Variants in ANKFN1 observed in about 807,000 individuals in gnomAD.
ANKFN1 encodes ankyrin repeat and fibronectin type-III domain-containing protein 1.
In ANKFN1, 74 loss-of-function variants were observed where a neutral mutation model predicts 108.7. The ratio of observed to expected loss-of-function variants is 0.68; its 90% CI spans 0.56 to 0.83. The LOEUF (loss-of-function observed/expected upper bound fraction) is 0.83, where lower values mean the gene tolerates loss of function less well. ANKFN1 is among the 40% of genes least tolerant of loss of function. The pLI, the probability that ANKFN1 is intolerant of heterozygous loss-of-function variation, is 0.00. For synonymous variants in ANKFN1, 547 were observed against 516.2 expected, an observed-to-expected ratio of 1.06 and a Z score of -0.81; for missense variants, 1,505 against 1,382.3, an observed-to-expected ratio of 1.09 and a Z score of -1.41.
intron 6 of ANKFN1, among the ~76,000 whole-genome samples, chr17:56,355,576 C>A (rs2046355405): frequency 6.6e-6 from 1 of 152,042 alleles, no homozygotes; most frequent in African/African-American, 2.4e-5. Flanking sequence ...GGCAGTGGAG[C>A]AATTTAGGAA....
At chr17:56,428,234 CAA>C (rs968135875) in intron 8 of ANKFN1, among the ~76,000 whole-genome samples, 4 of 129,128 alleles carry the variant, frequency 3.1e-5, no homozygotes, top group African/African-American at 2.9e-5. Context: ...AAATCCATCT[CAA>C]AAAAAAAAAA....
intron 3 of ANKFN1, among the ~76,000 whole-genome samples, chr17:56,269,343 G>A (rs1031305110): frequency 2.6e-5 from 4 of 152,116 alleles, no homozygotes; most frequent in South Asian, 2.1e-4. Flanking sequence ...CATTGTAATC[G>A]TCCATTTTAT....
At chr17:56,338,687 A>C (rs2045882050) in intron 4 of ANKFN1, among the ~76,000 whole-genome samples, 1 of 151,984 alleles carries the variant, frequency 6.6e-6, no homozygotes, top group Non-Finnish European at 1.5e-5. Context: ...TACCGTTGCT[A>C]TCCATTTCAA....
chr17:56,507,141 C>A (rs2051596688), intron 20 of ANKFN1, among the ~76,000 whole-genome samples: 1 of 152,128 alleles, frequency 6.6e-6, no homozygotes, highest in Non-Finnish European at 1.5e-5. Flanking sequence ...AATTTCAAAT[C>A]CTCAGTTATG....
At chr17:56,322,527 T>C (rs1211402213) in intron 3 of ANKFN1, among the ~76,000 whole-genome samples, 1 of 152,152 alleles carries the variant, frequency 6.6e-6, no homozygotes, top group Non-Finnish European at 1.5e-5. Flanking sequence ...CTCTCCCCAA[T>C]TTAGCTCCTG....
chr17:56,281,861 T>A (rs550077353), intron 3 of ANKFN1, among the ~76,000 whole-genome samples: 2 of 152,330 alleles, frequency 1.3e-5, no homozygotes, highest in Admixed American at 1.3e-4. Context: ...TGTAGACAAC[T>A]AGAATTCACA....
chr17:56,402,106 T>A (rs1235809264), intron 8 of ANKFN1, among the ~76,000 whole-genome samples: 1 of 152,176 alleles, frequency 6.6e-6, no homozygotes, highest in African/African-American at 2.4e-5. Flanking sequence ...AGTATTTTGT[T>A]AAGGATTTTA....
intron 8 of ANKFN1, among the ~76,000 whole-genome samples, chr17:56,387,827 T>C (rs1051184702): frequency 1.7e-4 from 26 of 152,236 alleles, no homozygotes; most frequent in Admixed American, 5.9e-4. Context: ...GTCTTTTCTC[T>C]ACCTGTTGTT....
chr17:56,349,340 C>T lies in ANKFN1; in HGVS notation c.189-1426C>T, dbSNP rs545418511. On this transcript the variant is annotated intron_variant, in intron 4 of 20. Coordinates refer to ENST00000682825, the MANE Select transcript of ANKFN1 (RefSeq NM_001370326.1). The stretch of plus-strand genomic sequence containing the variant: ...AGCAAACCACCATAGCACACATTTA[C>T]CTATGTAACAAACCTACACATCCTG... Among the ~76,000 whole-genome samples, 174 of 151,876 alleles carry T rather than the reference C, an allele frequency of 1.1e-3. 1 individual carries two copies. Among genetic ancestry groups the T allele is most frequent in the Admixed American group, 2.0e-3 (30 of 15,226 alleles).
intron 14 of ANKFN1, among the ~76,000 whole-genome samples, chr17:56,463,246 T>C (rs1195952761): frequency 6.6e-6 from 1 of 152,184 alleles, no homozygotes; most frequent in Non-Finnish European, 1.5e-5. Context: ...TAACAGATCA[T>C]AACACTAGGG....
At chr17:56,049,317 C>T (rs911761110) in intron 4 of ANKFN1, among the ~76,000 whole-genome samples, 1 of 152,218 alleles carries the variant, frequency 6.6e-6, no homozygotes, top group Admixed American at 6.5e-5. Context: ...TTTGCCCACC[C>T]TGACCTGCAC....
intron 4 of ANKFN1, among the ~76,000 whole-genome samples, chr17:56,348,265 A>G (rs2046157103): frequency 2.0e-5 from 3 of 152,232 alleles, no homozygotes; most frequent in African/African-American, 7.2e-5. Flanking sequence ...ACATACATAC[A>G]CATTACAGAC....
intron 3 of ANKFN1, among the ~76,000 whole-genome samples, chr17:56,248,230 AGCCTCT>A: frequency 6.6e-6 from 1 of 152,300 alleles, no homozygotes; most frequent in Admixed American, 6.5e-5. Context: ...ACTTGAACCC[AGCCTCT>A]GCCCTTAGAG....
intron 4 of ANKFN1, among the ~76,000 whole-genome samples, chr17:56,340,065 G>A (rs1459544702): frequency 6.6e-6 from 1 of 152,062 alleles, no homozygotes; most frequent in Non-Finnish European, 1.5e-5. Flanking sequence ...GTAATGATGA[G>A]CTTTTTTCAT....
chr17:56,385,450 A>G (rs1237673906), intron 8 of ANKFN1, among the ~76,000 whole-genome samples: 2 of 152,280 alleles, frequency 1.3e-5, no homozygotes, highest in East Asian at 3.9e-4. Flanking sequence ...CAATGGCAAC[A>G]AAAGTCAAAA....
intron 6 of ANKFN1, among the ~76,000 whole-genome samples, chr17:56,354,735 T>C (rs1252321462): frequency 2.6e-5 from 4 of 152,198 alleles, no homozygotes; most frequent in Non-Finnish European, 5.9e-5. Flanking sequence ...GCTTCTATGA[T>C]ATCAACTTTT....
chr17:56,401,368 ATTGTG>A (rs71139906), intron 8 of ANKFN1, among the ~76,000 whole-genome samples: 11,181 of 135,182 alleles, frequency 0.083, 658 homozygotes, highest in African/African-American at 0.16. Context: ...ATTGTATTGT[ATTGTG>A]TTGTGTTGTG....
At chr17:56,219,778 G>A (rs1915709220) in intron 2 of ANKFN1, among the ~76,000 whole-genome samples, 1 of 152,100 alleles carries the variant, frequency 6.6e-6, no homozygotes, top group Non-Finnish European at 1.5e-5. Flanking sequence ...TGTTTTTTAA[G>A]AAGACCACAA....
chr17:56,301,947 T>C lies in ANKFN1; in HGVS notation c.54-24274T>C, dbSNP rs190663048. On this transcript the variant is annotated intron_variant, in intron 3 of 20. Transcript: ENST00000682825. ...TGTAGGCAAGTGCAATGATCAGAAA[T>C]CTACCACTCTTCAACAGTCTTGGCA... Among the ~76,000 whole-genome samples the C allele has an allele frequency of 2.0e-5, 3 of 152,332 alleles. No individual in the cohort carries two copies. The East Asian group carries it at 5.8e-4, about 29-fold the overall frequency.
Sources: gnomAD v4.1 joint callset for allele counts (sites outside exome capture counted in the v4.1 genomes callset) on GRCh38, gnomAD v4.1.1 for gene constraint, MANE v1.5 for transcripts, NCBI Gene and HGNC (gene_info 2026-07-23, HGNC 2026-07-21) for gene names.